CYP7B1: variants seen among roughly 807,000 people sequenced by gnomAD.
CYP7B1 encodes cytochrome P450 family 7 subfamily B member 1.
In CYP7B1, 29 loss-of-function variants were observed where a neutral mutation model predicts 42.7. The observed-to-expected ratio is 0.68, with a 90% confidence interval of 0.51 to 0.93. CYP7B1 has a LOEUF of 0.93. CYP7B1 is among the 40% of genes least tolerant of loss of function. The pLI, the probability that CYP7B1 is intolerant of heterozygous loss-of-function variation, is 0.00. For synonymous variants in CYP7B1, 235 were observed against 218.2 expected (o/e 1.08, Z -0.68); for missense variants, 655 against 600.5 (o/e 1.09, Z -0.95).
chr8:64,788,584 T>A (rs923712373), intron 1 of CYP7B1, among the ~76,000 whole-genome samples: 1 of 152,188 alleles, frequency 6.6e-6, no homozygotes, highest in East Asian at 1.9e-4. Context: ...GCTCCTGCCA[T>A]GCACCCACAG....
intron 4 of CYP7B1, among the ~76,000 whole-genome samples, chr8:64,608,559 T>C (rs2129630018): frequency 6.6e-6 from 1 of 152,094 alleles, no homozygotes; most frequent in Non-Finnish European, 1.5e-5. Context: ...CCTGCTGCAG[T>C]CACTGGGGCT....
chr8:64,595,571 A>G lies in CYP7B1; in HGVS notation c.*1071T>C, dbSNP rs1375188322. Among the ~76,000 whole-genome samples, 1 of 152,178 alleles carries G rather than the reference A, an allele frequency of 6.6e-6. No homozygotes were observed. The highest frequency in any genetic ancestry group is 1.5e-5 in the Non-Finnish European group (1 of 68,028). Reference sequence around the variant, plus strand: ...GGGACCAAAGCGGGAGGATCACTTGAGGTCAGGATTTGAGACCAGCCTGGG... The same window carrying G: ...GGGACCAAAGCGGGAGGATCACTTGGGGTCAGGATTTGAGACCAGCCTGGG... On this transcript the variant is annotated 3_prime_UTR_variant, in exon 6 of 6. Coordinates refer to ENST00000310193, the MANE Select transcript of CYP7B1 (RefSeq NM_004820.5).
intron 1 of CYP7B1, among the ~76,000 whole-genome samples, chr8:64,729,306 A>G (rs1407799088): frequency 6.6e-6 from 1 of 152,248 alleles, no homozygotes; most frequent in African/African-American, 2.4e-5. Context: ...TGATCAGAAC[A>G]TACACAAACA....
At chr8:64,763,442 C>T (rs1464700719) in intron 1 of CYP7B1, among the ~76,000 whole-genome samples, 1 of 152,208 alleles carries the variant, frequency 6.6e-6, no homozygotes, top group East Asian at 1.9e-4. Flanking sequence ...ACTCTAACAA[C>T]AAAGACCCAC....
intron 1 of CYP7B1, among the ~76,000 whole-genome samples, chr8:64,722,653 G>C (rs901740390): frequency 7.0e-6 from 1 of 143,584 alleles, no homozygotes; most frequent in Non-Finnish European, 1.5e-5. Context: ...TTCAACTCCT[G>C]ATGCTTACCT....
intron 2 of CYP7B1, among the ~76,000 whole-genome samples, chr8:64,621,996 A>G (rs1480703026): frequency 6.6e-6 from 1 of 151,566 alleles, no homozygotes; most frequent in Non-Finnish European, 1.5e-5. Flanking sequence ...CCCGCCTCAG[A>G]CTGGCCAGCT....
chr8:64,763,282 C>T (rs1807918160), intron 1 of CYP7B1, among the ~76,000 whole-genome samples: 1 of 152,200 alleles, frequency 6.6e-6, no homozygotes, highest in South Asian at 2.1e-4. Flanking sequence ...TTCCACGGTT[C>T]TCTTCTGTGA....
chr8:64,798,561 C>G lies in CYP7B1; in HGVS notation c.27G>C (p.Thr9=), dbSNP rs992794208. Residue 9 remains threonine (T), a synonymous_variant, in exon 1 of 6, where the codon ACG becomes ACC. Transcript: ENST00000310193. MAGEVSAA[T]GRFSLERLGL... ...CCAACCGCTCCAGCGAAAAGCGGCC[C>G]GTGGCCGCGGACACTTCTCCTGCCA... is the stretch of plus-strand genomic sequence containing the variant. 1 of 1,491,206 alleles carries G rather than the reference C, an allele frequency of 6.7e-7. No homozygotes were observed. The highest frequency in any genetic ancestry group is 8.9e-7 in the Non-Finnish European group (1 of 1,129,790). 92.4% of individuals were successfully genotyped at this position (1,491,206 alleles called of 1,614,324 possible).
intron 1 of CYP7B1, among the ~76,000 whole-genome samples, chr8:64,687,778 G>A (rs1030051745): frequency 5.9e-5 from 9 of 152,134 alleles, no homozygotes; most frequent in African/African-American, 2.2e-4. Flanking sequence ...TTTCAAGTAT[G>A]TGTTACTCCA....
chr8:64,615,775 T>C lies in CYP7B1; in HGVS notation c.766A>G (p.Lys256Glu), dbSNP rs1194701779. The C allele has an allele frequency of 1.2e-6, 2 of 1,613,710 alleles. No individual in the cohort carries two copies. The highest frequency in any genetic ancestry group is 2.7e-5 in the African/African-American group (2 of 74,890). Reference sequence around the variant, plus strand: ...AAAACTTCTGACCATCCTTGCATCTTGGCTAACTTTTCTGATGAGAAGCAT... The same window carrying C: ...AAAACTTCTGACCATCCTTGCATCTCGGCTAACTTTTCTGATGAGAAGCAT... ...IKCFSSEKLAKMQGWSEVFQS... is the reference protein window; with the variant it reads ...IKCFSSEKLAEMQGWSEVFQS... Residue 256 changes from lysine (K) to glutamate (E), a missense_variant, in exon 3 of 6, where the codon AAG becomes GAG. Coordinates refer to ENST00000310193, the MANE Select transcript of CYP7B1 (RefSeq NM_004820.5).
intron 1 of CYP7B1, among the ~76,000 whole-genome samples, chr8:64,739,865 T>C (rs1463176395): frequency 1.3e-5 from 2 of 152,128 alleles, no homozygotes; most frequent in African/African-American, 4.8e-5. Flanking sequence ...GAAGAGTGGA[T>C]TGAAATATTT....
At chr8:64,687,625 A>G (rs1206058714) in intron 1 of CYP7B1, among the ~76,000 whole-genome samples, 1 of 152,260 alleles carries the variant, frequency 6.6e-6, no homozygotes, top group Non-Finnish European at 1.5e-5. Context: ...ACAAAATGTG[A>G]TAACACCTAA....
intron 1 of CYP7B1, among the ~76,000 whole-genome samples, chr8:64,752,733 T>G (rs935549720): frequency 6.6e-6 from 1 of 152,222 alleles, no homozygotes; most frequent in South Asian, 2.1e-4. Context: ...ACCTTGATCC[T>G]ATGTACAAAT....
Position 64,763,572 on chromosome 8 carries a change from T to C in CYP7B1, c.122+34894A>G, listed in dbSNP as rs187273092. Among the ~76,000 whole-genome samples, 588 of 152,334 alleles carry C rather than the reference T, an allele frequency of 3.9e-3. 5 individuals are homozygous for C. The highest frequency in any genetic ancestry group is 0.013 in the African/African-American group (553 of 41,576). On this transcript the variant is annotated intron_variant, in intron 1 of 5. Coordinates refer to ENST00000310193, the MANE Select transcript of CYP7B1 (RefSeq NM_004820.5). ...ATTGGAGGAAAATACTGGGCACCTG[T>C]TGGCCGGTTAAAAACAATTAGCACG... is the stretch of plus-strand genomic sequence containing the variant.
chr8:64,693,751 A>C (rs536394079), intron 1 of CYP7B1, among the ~76,000 whole-genome samples: 1 of 152,314 alleles, frequency 6.6e-6, no homozygotes, highest in South Asian at 2.1e-4. Context: ...CATGCAATAT[A>C]TACACATACA....
chr8:64,722,415 A>G (rs1436199334), intron 1 of CYP7B1, among the ~76,000 whole-genome samples: 1 of 152,206 alleles, frequency 6.6e-6, no homozygotes, highest in Non-Finnish European at 1.5e-5. Flanking sequence ...AATGTAAAGA[A>G]ATCAAATAAA....
chr8:64,654,597 C>T (rs1210885248), intron 1 of CYP7B1, among the ~76,000 whole-genome samples: 4 of 152,136 alleles, frequency 2.6e-5, no homozygotes, highest in Non-Finnish European at 5.9e-5. Context: ...CCATATCATC[C>T]AAAGCAATCT....
intron 1 of CYP7B1, among the ~76,000 whole-genome samples, chr8:64,762,902 C>T (rs1016023908): frequency 6.6e-6 from 1 of 152,132 alleles, no homozygotes; most frequent in African/African-American, 2.4e-5. Flanking sequence ...AATAGGTACA[C>T]ATAGTGCACA....
In CYP7B1 at chr8:64,615,875, C is replaced by G. The variant is rs1429741852; in HGVS notation, c.666G>C (p.Lys222Asn). ...LRDDFLKFDD[K>N]FAYLVSNIPI... The stretch of plus-strand genomic sequence containing the variant: ...GTATGTTGGATACTAAATATGCAAA[C>G]TTGTCATCAAATTTTAAAAAATCAT... Residue 222 changes from lysine (K) to asparagine (N), a missense_variant, in exon 3 of 6, where the codon AAG becomes AAC. Transcript: ENST00000310193. The G allele has an allele frequency of 6.2e-7, 1 of 1,613,674 alleles. No individual in the cohort carries two copies. The highest frequency in any genetic ancestry group is 8.5e-7 in the Non-Finnish European group (1 of 1,179,760).
Sources: gnomAD v4.1 joint callset for allele counts (sites outside exome capture counted in the v4.1 genomes callset) on GRCh38, gnomAD v4.1.1 for gene constraint, MANE v1.5 for transcripts, NCBI Gene and HGNC (gene_info 2026-07-23, HGNC 2026-07-21) for gene names.